QRICH1: variants seen among roughly 807,000 people sequenced by gnomAD.
QRICH1 encodes transcriptional regulator QRICH1.
QRICH1 carries 16 observed loss-of-function variants against 87.1 expected under a neutral mutation model. That is an observed-to-expected ratio of 0.18 (90% CI 0.12 to 0.28). The LOEUF (loss-of-function observed/expected upper bound fraction) is 0.28, where lower values mean the gene tolerates loss of function less well. Among genes scored for constraint, QRICH1 ranks in the 10% least tolerant of loss-of-function variants. The probability of loss-of-function intolerance (pLI) is 1.00; values close to 1 mark genes in which losing one functional copy is unlikely to be tolerated. For synonymous variants in QRICH1, 367 were observed against 368.4 expected, an observed-to-expected ratio of 1.00 and a Z score of 0.05; for missense variants, 647 against 951.7, an observed-to-expected ratio of 0.68 and a Z score of 4.21.
intron 1 of QRICH1, among the ~76,000 whole-genome samples, chr3:49,084,695 C>T (rs139865576): frequency 1.0e-3 from 157 of 151,458 alleles, no homozygotes; most frequent in African/African-American, 3.7e-3. Context: ...ATCCGGGAGG[C>T]GGAGGTTGTA....
At chr3:49,033,622 G>C (rs1319445885) in intron 6 of QRICH1, 1 of 154,482 alleles carries the variant, frequency 6.5e-6, no homozygotes, top group Non-Finnish European at 1.4e-5. Flanking sequence ...TTCAAAGGTG[G>C]TCCAGGACCC....
At chr3:49,049,238 G>C (rs1286058552) in intron 3 of QRICH1, among the ~76,000 whole-genome samples, 1 of 150,988 alleles carries the variant, frequency 6.6e-6, no homozygotes. Context: ...CCACAGTTGA[G>C]CCATCATTTA....
chr3:49,081,828 G>A (rs2042067282), intron 1 of QRICH1, among the ~76,000 whole-genome samples: 2 of 149,484 alleles, frequency 1.3e-5, no homozygotes, highest in Non-Finnish European at 3.0e-5. Flanking sequence ...TTTTTTTTGA[G>A]ACAGAGTCTT....
Position 49,047,100 on chromosome 3 carries a change from C to G in QRICH1, c.1485G>C (p.Lys495Asn). Reference protein sequence around the residue: ...WAQTKNAELEKDAQNRLAPIG... With the variant: ...WAQTKNAELENDAQNRLAPIG... ...TGGGTGCCAATCTGTTCTGAGCATC[C>G]TTCTCTAGTTCAGCATTCTTGGTCT... Residue 495 changes from lysine (K) to asparagine (N), a missense_variant, in exon 4 of 10, where the codon AAG becomes AAC. Coordinates refer to ENST00000395443, the MANE Select transcript of QRICH1 (RefSeq NM_198880.3). 1 of 1,614,072 alleles carries G rather than the reference C, an allele frequency of 6.2e-7. No individual in the cohort carries two copies. Among genetic ancestry groups the G allele is most frequent in the Admixed American group, 1.7e-5 (1 of 59,992 alleles).
chr3:49,079,387 A>G (rs2042013558), intron 1 of QRICH1, among the ~76,000 whole-genome samples: 1 of 150,580 alleles, frequency 6.6e-6, no homozygotes. Context: ...TTCATCTGTT[A>G]AAAGAAATAA....
At chr3:49,087,647 G>C (rs564375758) in intron 1 of QRICH1, among the ~76,000 whole-genome samples, 2 of 150,836 alleles carry the variant, frequency 1.3e-5, no homozygotes, top group Non-Finnish European at 3.0e-5. Context: ...AGGCCGAGTC[G>C]GGCATATCAC....
At chr3:49,037,851 C>T (rs781319772) in intron 6 of QRICH1, among the ~76,000 whole-genome samples, 86 of 151,848 alleles carry the variant, frequency 5.7e-4, no homozygotes, top group Non-Finnish European at 8.8e-4. Context: ...TGATGGTGCG[C>T]GCCTGTAATC....
In QRICH1 at chr3:49,047,070, C is replaced by T. The variant is rs750478692; in HGVS notation, c.1515G>A (p.Gly505=). ...KDAQNRLAPI[G]RRQLLRFQED... The stretch of plus-strand genomic sequence containing the variant: ...CCACTCTTCTTCCAAGACACTCACT[C>T]CCAATGGGTGCCAATCTGTTCTGAG... The change falls in exon 4 of 10, where the codon GGG becomes GGA. Residue 505 remains glycine, a splice_region_variant and synonymous_variant. Coordinates refer to ENST00000395443, the MANE Select transcript of QRICH1 (RefSeq NM_198880.3). 1 of 1,611,160 alleles carries T rather than the reference C, an allele frequency of 6.2e-7. No homozygotes were observed. The highest frequency in any genetic ancestry group is 1.3e-5 in the African/African-American group (1 of 74,842).
chr3:49,083,610 A>G (rs2042113741), intron 1 of QRICH1: 1 of 151,812 alleles, frequency 6.6e-6, no homozygotes, highest in African/African-American at 2.4e-5. Flanking sequence ...GAAAATATCA[A>G]TACTAAGCTT....
At chr3:49,049,445 AAAAAAT>A (rs906467165) in intron 3 of QRICH1, among the ~76,000 whole-genome samples, 1 of 152,018 alleles carries the variant, frequency 6.6e-6, no homozygotes, top group Non-Finnish European at 1.5e-5. Flanking sequence ...ATTCTGGCTC[AAAAAAT>A]AAAAATAAAA....
chr3:49,030,742 C>A, intron 9 of QRICH1, 98 bp from the exon 10 acceptor site: 2 of 1,092,692 alleles, frequency 1.8e-6, no homozygotes, highest in Non-Finnish European at 2.5e-6. Flanking sequence ...ACAGTAAGGC[C>A]CCAAGTTATT....
intron 1 of QRICH1, among the ~76,000 whole-genome samples, chr3:49,091,909 A>C (rs2042282674): frequency 6.6e-6 from 1 of 152,116 alleles, no homozygotes; most frequent in Non-Finnish European, 1.5e-5. Context: ...CGTCTATACT[A>C]CAAATACAAA....
chr3:49,061,823 C>CA (rs914310763), intron 2 of QRICH1, among the ~76,000 whole-genome samples: 1 of 152,096 alleles, frequency 6.6e-6, no homozygotes, highest in Non-Finnish European at 1.5e-5. Context: ...TGCACCACAG[C>CA]ATGGGCAACA....
chr3:49,051,477 A>T (rs923215719), intron 3 of QRICH1, among the ~76,000 whole-genome samples: 4 of 150,066 alleles, frequency 2.7e-5, no homozygotes, highest in African/African-American at 7.4e-5. Context: ...CCCACTTCTC[A>T]TTTCAACTAC....
intron 3 of QRICH1, among the ~76,000 whole-genome samples, chr3:49,047,724 C>G (rs2093346855): frequency 6.6e-6 from 1 of 152,050 alleles, no homozygotes; most frequent in Admixed American, 6.6e-5. Context: ...CTCAGGTAAT[C>G]TGCCCGCCTC....
chr3:49,061,042 G>A (rs1372896806), intron 2 of QRICH1, among the ~76,000 whole-genome samples: 1 of 148,342 alleles, frequency 6.7e-6, no homozygotes, highest in Non-Finnish European at 1.5e-5. Context: ...AGAGGCTGAG[G>A]CAGAATAGCT....
rs199788724 is a variant in QRICH1 at position 49,076,904 on chromosome 3, C to T, written c.114G>A (p.Gly38=). The T allele has an allele frequency of 1.1e-4, 176 of 1,613,822 alleles. No individual in the cohort carries two copies. The highest frequency in any genetic ancestry group is 3.8e-4 in the East Asian group (17 of 44,878). ...GCTGGAACTCCTGAAGGGCTTCTGG[C>T]CCCTTAGAGGCCAGTGAGTCCAGAA... is the stretch of plus-strand genomic sequence containing the variant. The part of the protein sequence containing the change: ...KEFLDSLASK[G]PEALQEFQQT... Residue 38 remains glycine (G), a synonymous_variant, in exon 2 of 10, where the codon GGG becomes GGA. Coordinates refer to ENST00000395443, the MANE Select transcript of QRICH1 (RefSeq NM_198880.3).
chr3:49,046,997 G>A, intron 4 of QRICH1, 72 bp downstream of exon 4: 1 of 1,513,040 alleles, frequency 6.6e-7, no homozygotes, highest in Non-Finnish European at 8.9e-7. Context: ...CACTTTTCTG[G>A]CATTTTGTCC....
chr3:49,051,247 A>C (rs1008219663), intron 3 of QRICH1, among the ~76,000 whole-genome samples: 1 of 152,070 alleles, frequency 6.6e-6, no homozygotes, highest in Non-Finnish European at 1.5e-5. Context: ...CCTGAAATGA[A>C]AGGGTCAAAT....
Sources: gnomAD v4.1 joint callset for allele counts (sites outside exome capture counted in the v4.1 genomes callset) on GRCh38, gnomAD v4.1.1 for gene constraint, MANE v1.5 for transcripts, NCBI Gene and HGNC (gene_info 2026-07-23, HGNC 2026-07-21) for gene names.